FAM120C: variants seen among roughly 807,000 people sequenced by gnomAD.
FAM120C encodes the protein constitutive coactivator of PPAR-gamma-like protein 2.
A neutral mutation model predicts 71.2 loss-of-function variants in FAM120C; 14 were observed. The observed-to-expected ratio is 0.20, with a 90% CI of 0.13 to 0.31. The LOEUF (loss-of-function observed/expected upper bound fraction) is 0.31, where lower values mean the gene tolerates loss of function less well. Ranked by LOEUF, FAM120C falls within the 10% of genes least tolerant of loss-of-function variation. The pLI is 1.00. For synonymous variants in FAM120C, 354 were observed against 353.2 expected, an observed-to-expected ratio of 1.00 and a Z score of -0.03; for missense variants, 500 against 879.0, an observed-to-expected ratio of 0.57 and a Z score of 5.45.
At position 54,116,784 on chromosome X, in the gene FAM120C, C is replaced by T; in HGVS notation, c.2073G>A (p.Val691=). ...RRRLPVEVPS[V]ILKEWSAYKG... Reference sequence around the variant, plus strand: ...TATAGGCAGACCACTCTTTAAGGATCACTGAAGGAACTGGAAAACAGAAAT... The same window carrying T: ...TATAGGCAGACCACTCTTTAAGGATTACTGAAGGAACTGGAAAACAGAAAT... Residue 691 remains valine, a synonymous_variant, in exon 10 of 16, where the codon GTG becomes GTA. Transcript: ENST00000375180. 1 of 1,208,740 alleles carries T rather than the reference C, an allele frequency of 8.3e-7. No individual in the cohort carries two copies. Among genetic ancestry groups the T allele is most frequent in the Non-Finnish European group, 1.1e-6 (1 of 894,192 alleles).
At chrX:54,111,833 T>C (rs782461550) in intron 10 of FAM120C, among the ~76,000 whole-genome samples, 4 of 111,558 alleles carry the variant, frequency 3.6e-5, no homozygotes, top group Non-Finnish European at 7.5e-5. Context: ...GCCAAAACAA[T>C]ACTACACAAA....
Position 54,162,385 on chromosome X carries a change from A to G in FAM120C, c.700-2769T>C, listed in dbSNP as rs782404637. Among the ~76,000 whole-genome samples, 102 of 111,629 alleles carry G rather than the reference A, an allele frequency of 9.1e-4. 1 individual carries two copies. The highest frequency in any genetic ancestry group is 6.0e-3 in the South Asian group (16 of 2,648). On this transcript the variant is annotated intron_variant, in intron 1 of 15. Transcript: ENST00000375180. ...CATAGGCCTGCCACCTCTTGGACAAATTCCTTGATAATTCCCCTCCTCTTC... is the reference window on the plus strand; with the variant it reads ...CATAGGCCTGCCACCTCTTGGACAAGTTCCTTGATAATTCCCCTCCTCTTC...
At chrX:54,166,133 AAC>A (rs1467378017) in intron 1 of FAM120C, among the ~76,000 whole-genome samples, 8 of 111,714 alleles carry the variant, frequency 7.2e-5, no homozygotes, top group Non-Finnish European at 1.5e-4. Context: ...AAAGGAAACA[AAC>A]AGATTTTAAG....
intron 10 of FAM120C, among the ~76,000 whole-genome samples, chrX:54,094,098 T>TC (rs2066837494): frequency 1.1e-5 from 1 of 93,397 alleles, no homozygotes; most frequent in Non-Finnish European, 2.1e-5. Flanking sequence ...TTTTTTTTTT[T>TC]TTTTTTTTCT....
At chrX:54,088,911 T>C (rs1209890530) in intron 11 of FAM120C, among the ~76,000 whole-genome samples, 4 of 110,567 alleles carry the variant, frequency 3.6e-5, no homozygotes, top group South Asian at 3.8e-4. Context: ...CTGGCAGGCA[T>C]GGTGGCATGT....
intron 9 of FAM120C, among the ~76,000 whole-genome samples, chrX:54,131,343 A>G (rs2067064854): frequency 1.8e-5 from 2 of 110,433 alleles, no homozygotes; most frequent in East Asian, 5.7e-4. Flanking sequence ...ATCACAGCTC[A>G]CTGCAGCCTC....
At chrX:54,113,792 T>C (rs1471270322) in intron 10 of FAM120C, among the ~76,000 whole-genome samples, 3 of 108,774 alleles carry the variant, frequency 2.8e-5, no homozygotes, top group African/African-American at 1.0e-4. Flanking sequence ...GGTGCATGCC[T>C]GTAATCCCAG....
At chrX:54,165,140 A>G (rs1242430929) in intron 1 of FAM120C, among the ~76,000 whole-genome samples, 3 of 111,784 alleles carry the variant, frequency 2.7e-5, no homozygotes, top group Non-Finnish European at 5.6e-5. Flanking sequence ...AACAAACACT[A>G]CCATTATTAC....
rs926177633 is a variant in FAM120C at position 54,091,685 on chromosome X, T to C, written c.2313-259A>G. ...GCACAGAGTGCTTGCTATGAGAGCATAGAAGAGGGCCATGACTGTAAAGAT... is the reference window on the plus strand; with the variant it reads ...GCACAGAGTGCTTGCTATGAGAGCACAGAAGAGGGCCATGACTGTAAAGAT... On this transcript the variant is annotated intron_variant, in intron 10 of 15. Coordinates refer to ENST00000375180, the MANE Select transcript of FAM120C (RefSeq NM_017848.6). Among the ~76,000 whole-genome samples the C allele has an allele frequency of 4.5e-5, 5 of 111,778 alleles. 1 individual carries two copies. Among genetic ancestry groups the C allele is most frequent in the South Asian group, 7.6e-4 (2 of 2,647 alleles).
intron 9 of FAM120C, among the ~76,000 whole-genome samples, chrX:54,129,233 T>G (rs1216166042): frequency 1.0e-5 from 1 of 97,099 alleles, no homozygotes; most frequent in Non-Finnish European, 2.1e-5. Context: ...ACGGGGTGGC[T>G]GCCGGGCGGA....
In FAM120C at chrX:54,182,959, C is replaced by A; in HGVS notation, c.240G>T (p.Gly80=). ...AALGAYSGGA[G]PTRHHHPAHH... is the part of the protein sequence containing the mutation. ...GAGCGGGGTGATGGTGCCGAGTCGG[C>A]CCCGCGCCCCCGGAGTAGGCACCCA... Residue 80 remains glycine, a synonymous_variant, in exon 1 of 16, where the codon GGG becomes GGT. Transcript: ENST00000375180. The A allele has an allele frequency of 8.6e-7, 1 of 1,160,361 alleles. No homozygotes were observed. Among genetic ancestry groups the A allele is most frequent in the Non-Finnish European group, 1.1e-6 (1 of 871,272 alleles).
At chrX:54,079,123 G>A (rs942604653) in intron 15 of FAM120C, among the ~76,000 whole-genome samples, 1 of 109,511 alleles carries the variant, frequency 9.1e-6, no homozygotes, top group African/African-American at 3.3e-5. Context: ...TCAGCCGGGC[G>A]TGGTGGCGGG....
At chrX:54,143,664 T>C (rs1298410518) in intron 4 of FAM120C, among the ~76,000 whole-genome samples, 1 of 111,608 alleles carries the variant, frequency 9.0e-6, no homozygotes, top group Non-Finnish European at 1.9e-5. Flanking sequence ...TGAAATTAAA[T>C]TGAGGCAATA....
At position 54,132,851 on chromosome X, in the gene FAM120C, T is replaced by C; in HGVS notation, c.1903A>G (p.Ile635Val). The change falls in exon 9 of 16, where the codon ATC (isoleucine) becomes GTC (valine). Residue 635 changes from isoleucine (I) to valine (V), a missense_variant. Transcript: ENST00000375180. ...YHVLTKGEIK[I>V]PVCIEDECNM... Reference sequence around the variant, plus strand: ...CACTCATCCTCAATACATACGGGGATCTTAATTTCACCCTAACAAGAGAAC... The same window carrying C: ...CACTCATCCTCAATACATACGGGGACCTTAATTTCACCCTAACAAGAGAAC... 2 of 1,190,021 alleles carry C rather than the reference T, an allele frequency of 1.7e-6. No individual in the cohort carries two copies. Among genetic ancestry groups the C allele is most frequent in the Non-Finnish European group, 2.3e-6 (2 of 887,419 alleles).
In FAM120C at chrX:54,070,093, T is replaced by C. The variant is rs1365790200; in HGVS notation, c.*2940A>G. On this transcript the variant is annotated 3_prime_UTR_variant, in exon 16 of 16. Transcript: ENST00000375180. The stretch of plus-strand genomic sequence containing the variant: ...AAGATCAGACCCCACCTTCCACAAT[T>C]TGTCCTCCAATTAGAAAAAGTTCAT... 8.9e-6 allele frequency: 1 copy of C among 111,902 alleles called. No homozygotes were observed. Among genetic ancestry groups the C allele is most frequent in the Non-Finnish European group, 1.9e-5 (1 of 53,173 alleles). The allele number at this position is 111,902 out of a possible 1,213,427, so 9.2% of individuals were successfully genotyped here.
chrX:54,161,657 A>G (rs1557134438), intron 1 of FAM120C, among the ~76,000 whole-genome samples: 1 of 112,393 alleles, frequency 8.9e-6, no homozygotes, highest in African/African-American at 3.2e-5. Flanking sequence ...TTGGAAACAG[A>G]GTCTTACTCT....
intron 4 of FAM120C, among the ~76,000 whole-genome samples, chrX:54,146,231 C>T (rs1489197842): frequency 9.0e-6 from 1 of 111,020 alleles, no homozygotes; most frequent in Non-Finnish European, 1.9e-5. Context: ...AGGTGCAGCA[C>T]ACCAACATGG....
chrX:54,174,557 A>G (rs1432895399), intron 1 of FAM120C, among the ~76,000 whole-genome samples: 3 of 112,357 alleles, frequency 2.7e-5, no homozygotes, highest in East Asian at 5.6e-4. Context: ...ACATTTCTCA[A>G]TTTTTAAAAG....
intron 10 of FAM120C, among the ~76,000 whole-genome samples, chrX:54,100,743 T>C (rs1384434808): frequency 8.9e-6 from 1 of 112,179 alleles, no homozygotes; most frequent in Non-Finnish European, 1.9e-5. Context: ...TTTGACTCCA[T>C]GTGGGGACTC....
Sources: allele counts gnomAD v4.1 joint callset (sites outside exome capture counted in the v4.1 genomes callset), GRCh38; gene constraint gnomAD v4.1.1; transcripts MANE v1.5; gene names NCBI Gene and HGNC (gene_info 2026-07-23, HGNC 2026-07-21).